Variants in ART3 observed in about 807,000 individuals in gnomAD.
ART3 encodes ADP-ribosyltransferase 3 (inactive).
Under a neutral mutation model 48.5 loss-of-function variants are expected in ART3, and 49 were observed. The observed-to-expected ratio is 1.01, with a 90% CI of 0.80 to 1.28. ART3 has a LOEUF of 1.28. Among genes scored for constraint, ART3 ranks in the 50% most tolerant of loss-of-function variants. The pLI, the probability that ART3 is intolerant of heterozygous loss-of-function variation, is 0.00. For synonymous variants in ART3, 145 were observed against 157.2 expected (o/e 0.92, Z 0.58); for missense variants, 438 against 454.3 (o/e 0.96, Z 0.33).
At chr4:76,050,730 G>C (rs1046489103) in intron 1 of ART3, among the ~76,000 whole-genome samples, 5 of 152,162 alleles carry the variant, frequency 3.3e-5, no homozygotes, top group South Asian at 4.1e-4. Context: ...GCGGAGGCTC[G>C]GGCCACACAG....
rs1361670244 is a variant in ART3 at position 76,059,293 on chromosome 4, G to A, written c.-9-16588G>A. On this transcript the variant is annotated intron_variant, in intron 1 of 9. Coordinates refer to the ART3 transcript ENST00000341029. ...GGTGGGGCAGGGGAAGAATCTAATAGCAGATATTTGCTTTGCAAGGTCCAA... is the reference window on the plus strand; with the variant it reads ...GGTGGGGCAGGGGAAGAATCTAATAACAGATATTTGCTTTGCAAGGTCCAA... 2.0e-5 allele frequency among the ~76,000 whole-genome samples: 3 copies of A among 151,932 alleles called. No homozygotes were observed. The East Asian group carries it at 5.8e-4, about 29-fold the overall frequency.
intron 8 of ART3, among the ~76,000 whole-genome samples, chr4:76,103,628 A>ATAG (rs1242355355): frequency 6.6e-6 from 1 of 152,134 alleles, no homozygotes; most frequent in African/African-American, 2.4e-5. Flanking sequence ...GAGCTAAACC[A>ATAG]AGCAGAAATG....
chr4:76,096,064 A>G (rs1330638287), intron 3 of ART3, among the ~76,000 whole-genome samples: 1 of 152,122 alleles, frequency 6.6e-6, no homozygotes, highest in Non-Finnish European at 1.5e-5. Flanking sequence ...CTGGGATTAT[A>G]GGCACGCACC....
chr4:76,079,902 ACTCT>A (rs201592519), intron 2 of ART3, among the ~76,000 whole-genome samples: 2 of 147,100 alleles, frequency 1.4e-5, no homozygotes, highest in South Asian at 2.2e-4. Context: ...TCTCTCTTTC[ACTCT>A]CTCTCTCTCT....
intron 1 of ART3, chr4:76,034,177 C>T (rs10003240): frequency 0.59 from 201,121 of 342,422 alleles, 62,101 homozygotes; most frequent in East Asian, 0.93. Context: ...ATAAGAATGT[C>T]TCCCTACATA....
chr4:76,078,652 C>T (rs7666159), intron 2 of ART3, among the ~76,000 whole-genome samples: 118,437 of 150,118 alleles, frequency 0.79, 47,030 homozygotes, highest in African/African-American at 0.92. Context: ...ATGGTGTTAA[C>T]TATTTTTTGT....
At chr4:76,052,458 C>T (rs1736204255) in intron 1 of ART3, among the ~76,000 whole-genome samples, 1 of 152,130 alleles carries the variant, frequency 6.6e-6, no homozygotes, top group Non-Finnish European at 1.5e-5. Flanking sequence ...CCTTTCCTTT[C>T]CTTGTCAGTA....
At position 76,112,612 on chromosome 4, in the gene ART3, G is replaced by T; in HGVS notation, c.*93G>T. ...AGGAATGATGTATTTTTTACGTGTT[G>T]GCCAAAGTCACTGGATAAAATGAGA... is the stretch of plus-strand genomic sequence containing the variant. On this transcript the variant is annotated 3_prime_UTR_variant, in exon 12 of 12. Transcript: ENST00000355810. 7.4e-7 allele frequency: 1 copy of T among 1,358,278 alleles called. No homozygotes were observed. Among genetic ancestry groups the T allele is most frequent in the South Asian group, 1.6e-5 (1 of 64,000 alleles). The allele number at this position is 1,358,278 out of a possible 1,614,324, so 84.1% of individuals were successfully genotyped here.
chr4:76,111,211 T>G (rs1298544553), intron 11 of ART3, among the ~76,000 whole-genome samples: 1 of 151,080 alleles, frequency 6.6e-6, no homozygotes, highest in East Asian at 1.9e-4. Context: ...CAGCAAAAAG[T>G]GATCTCTCAC....
At chr4:76,060,695 A>T (rs1719135253) in intron 1 of ART3, among the ~76,000 whole-genome samples, 1 of 152,238 alleles carries the variant, frequency 6.6e-6, no homozygotes, top group Admixed American at 6.5e-5. Flanking sequence ...GAAGAGGAAG[A>T]CAGAGCAGTC....
intron 1 of ART3, among the ~76,000 whole-genome samples, chr4:76,062,482 ATTTAAAAATGATCCACCAT>A (rs1719318671): frequency 6.6e-6 from 1 of 152,074 alleles, no homozygotes; most frequent in East Asian, 1.9e-4. Flanking sequence ...ATTGCTAAGC[ATTTAAAAATGATCCACCAT>A]TTTGCAGAGA....
At chr4:76,050,086 C>T (rs569938735) in intron 1 of ART3, among the ~76,000 whole-genome samples, 20 of 151,992 alleles carry the variant, frequency 1.3e-4, no homozygotes, top group African/African-American at 3.4e-4. Flanking sequence ...CAGACTTTCG[C>T]GGTGAGTGTT....
In ART3 at chr4:76,087,925, T is replaced by C. The variant is rs531506593; in HGVS notation, c.781+5390T>C. 2.0e-4 allele frequency among the ~76,000 whole-genome samples: 31 copies of C among 152,326 alleles called. No individual in the cohort carries two copies. The Middle Eastern group carries it at 0.017, about 84-fold the overall frequency. On this transcript the variant is annotated intron_variant, in intron 3 of 11. Coordinates refer to ENST00000355810, the MANE Select transcript of ART3 (RefSeq NM_001130016.3). The stretch of plus-strand genomic sequence containing the variant: ...CTGTATAATCAAGCTACATCCATTA[T>C]CATTAAAAATTACTCCATTGGGGCT...
intron 1 of ART3, among the ~76,000 whole-genome samples, chr4:76,011,940 A>T (rs1731840993): frequency 6.6e-6 from 1 of 152,230 alleles, no homozygotes; most frequent in Non-Finnish European, 1.5e-5. Context: ...GAGAAACAGA[A>T]ACCTGATGAG....
At chr4:76,099,695 G>C in intron 5 of ART3, 1 of 153,356 alleles carries the variant, frequency 6.5e-6, no homozygotes, top group Admixed American at 6.5e-5. Context: ...TGTTTACTAT[G>C]ATTTAACTAA....
chr4:76,110,512 AAT>A (rs1729280071), intron 11 of ART3, among the ~76,000 whole-genome samples: 1 of 152,216 alleles, frequency 6.6e-6, no homozygotes, highest in Non-Finnish European at 1.5e-5. Context: ...TCTTGTTTGA[AAT>A]AGAAGACACA....
At chr4:76,107,818 T>C in intron 11 of ART3, 25 bp downstream of exon 11, 1 of 1,465,276 alleles carries the variant, frequency 6.8e-7, no homozygotes, top group East Asian at 2.4e-5. Context: ...ATTTCCTCAG[T>C]TGATAAATGC....
intron 1 of ART3, among the ~76,000 whole-genome samples, chr4:76,048,228 A>C (rs1735697350): frequency 6.6e-6 from 1 of 151,960 alleles, no homozygotes; most frequent in African/African-American, 2.4e-5. Context: ...ATGAAAAGAA[A>C]GCTTGGACAT....
intron 1 of ART3, 44 bp from the exon 2 acceptor site, chr4:76,075,837 C>G (rs1720918351): frequency 6.7e-7 from 1 of 1,501,428 alleles, no homozygotes; most frequent in Non-Finnish European, 9.2e-7. Flanking sequence ...CCCTACACCT[C>G]TTTTTTGAGT....
Sources: allele counts gnomAD v4.1 joint callset (sites outside exome capture counted in the v4.1 genomes callset), GRCh38; gene constraint gnomAD v4.1.1; transcripts MANE v1.5; gene names NCBI Gene and HGNC (gene_info 2026-07-23, HGNC 2026-07-21).